RFPL1: variants seen among roughly 807,000 people sequenced by gnomAD.
The protein encoded by RFPL1 is ret finger protein like 1.
RFPL1 carries 6 observed loss-of-function variants against 9.6 expected under a neutral mutation model. The observed-to-expected ratio is 0.62, with a 90% confidence interval of 0.34 to 1.23. RFPL1 has a LOEUF of 1.23. RFPL1 is among the 50% of genes most tolerant of loss of function. The pLI is 0.03. For synonymous variants in RFPL1, 145 were observed against 149.4 expected, an observed-to-expected ratio of 0.97 and a Z score of 0.22; for missense variants, 352 against 398.4, an observed-to-expected ratio of 0.88 and a Z score of 0.99.
the RFPL1 span, among the ~76,000 whole-genome samples, chr22:29,412,014 T>C: frequency 1.3e-5 from 2 of 152,128 alleles, no homozygotes; most frequent in East Asian, 3.9e-4. Context: ...GAGAGTATGG[T>C]GTGAACATCA....
chr22:29,420,318 T>C, the RFPL1 span, among the ~76,000 whole-genome samples: 1 of 152,226 alleles, frequency 6.6e-6, no homozygotes. Context: ...AGGGCAGATG[T>C]CATTTCCTGA....
chr22:29,432,587 C>T, the RFPL1 span, among the ~76,000 whole-genome samples: 3 of 152,138 alleles, frequency 2.0e-5, no homozygotes, highest in Admixed American at 6.5e-5. Context: ...CAAAGTGTGG[C>T]GTTTCTCTAT....
chr22:29,417,116 A>G, the RFPL1 span, among the ~76,000 whole-genome samples: 1 of 152,102 alleles, frequency 6.6e-6, no homozygotes, highest in Non-Finnish European at 1.5e-5. Context: ...TTGGAAGATG[A>G]CGCACCAGGA....
the RFPL1 span, among the ~76,000 whole-genome samples, chr22:29,416,302 A>G: frequency 1.4e-4 from 21 of 152,294 alleles, no homozygotes; most frequent in African/African-American, 4.8e-4. Flanking sequence ...CCTGCTGAGC[A>G]AATGCCCACC....
the RFPL1 span, among the ~76,000 whole-genome samples, chr22:29,399,127 T>C: frequency 6.6e-6 from 1 of 152,224 alleles, no homozygotes; most frequent in African/African-American, 2.4e-5. Context: ...AGGTTTCAGC[T>C]TCCTTCATAG....
At chr22:29,437,952 GA>G (rs1473648114), upstream of RFPL1, 49 of 297,686 alleles carry the variant, frequency 1.6e-4, 1 homozygote, top group African/African-American at 1.3e-3. Flanking sequence ...AGAAGGATGT[GA>G]TTTTTTTTTT....
chr22:29,419,718 G>A, the RFPL1 span, among the ~76,000 whole-genome samples: 31 of 150,478 alleles, frequency 2.1e-4, no homozygotes, highest in Non-Finnish European at 4.1e-4. Flanking sequence ...CTGGAGGATT[G>A]TTTGAGGCCA....
chr22:29,424,073 A>T, the RFPL1 span, among the ~76,000 whole-genome samples: 2 of 152,184 alleles, frequency 1.3e-5, no homozygotes, highest in East Asian at 3.9e-4. Context: ...CCAGTTACTC[A>T]GGAGGCTGAG....
chr22:29,439,049 G>A (rs1342515878), exon 1 of RFPL1: 1 of 1,614,150 alleles, frequency 6.2e-7, no homozygotes, highest in East Asian at 2.2e-5. Context: ...TGGTCTCTCA[G>A]AAGAACAAAA....
At chr22:29,401,821 C>T in the RFPL1 span, among the ~76,000 whole-genome samples, 37 of 152,228 alleles carry the variant, frequency 2.4e-4, no homozygotes, top group Admixed American at 1.5e-3. Context: ...TCAAACTCTA[C>T]CCCAGCATCT....
the RFPL1 span, among the ~76,000 whole-genome samples, chr22:29,422,770 G>A: frequency 6.6e-6 from 1 of 151,036 alleles, no homozygotes; most frequent in Non-Finnish European, 1.5e-5. Flanking sequence ...TGTGCCGTTG[G>A]ATAAGGACAC....
the RFPL1 span, among the ~76,000 whole-genome samples, chr22:29,406,564 A>T: frequency 6.6e-6 from 1 of 152,214 alleles, no homozygotes; most frequent in African/African-American, 2.4e-5. Context: ...TCTCATCTAA[A>T]TAAAGGTATC....
chr22:29,392,481 C>A, the RFPL1 span, among the ~76,000 whole-genome samples: 3 of 147,254 alleles, frequency 2.0e-5, no homozygotes, highest in Non-Finnish European at 4.4e-5. Flanking sequence ...CTTCTGCCTC[C>A]CAGGGTCAAG....
chr22:29,432,274 T>G, the RFPL1 span, among the ~76,000 whole-genome samples: 2,561 of 152,300 alleles, frequency 0.017, 22 homozygotes, highest in South Asian at 0.034. Context: ...TGTCCACAGT[T>G]CCCAGGAATT....
chr22:29,414,186 G>A, the RFPL1 span, among the ~76,000 whole-genome samples: 1 of 98,634 alleles, frequency 1.0e-5, no homozygotes, highest in African/African-American at 5.6e-5. Context: ...TTTATTTCAG[G>A]ACAAGAATTT....
At chr22:29,393,180 T>C in the RFPL1 span, among the ~76,000 whole-genome samples, 3 of 152,200 alleles carry the variant, frequency 2.0e-5, no homozygotes, top group East Asian at 5.8e-4. Flanking sequence ...AGACTACTAC[T>C]AATAGTTAAC....
the RFPL1 span, among the ~76,000 whole-genome samples, chr22:29,389,910 T>C: frequency 1.3e-5 from 2 of 151,934 alleles, no homozygotes; most frequent in Non-Finnish European, 2.9e-5. Flanking sequence ...GCGATTCTCC[T>C]GCCTGGGCCT....
At chr22:29,436,599 C>CAAAAAAAAAAAAAAAAAAAA (rs200602345), upstream of RFPL1, 1 of 92,520 alleles carries the variant, frequency 1.1e-5, no homozygotes, top group Non-Finnish European at 2.3e-5. Flanking sequence ...GAATCTGTCT[C>CAAAAAAAAAAAAAAAAAAAA]AAAAAAAAAA....
the RFPL1 span, among the ~76,000 whole-genome samples, chr22:29,420,447 C>T: frequency 6.6e-6 from 1 of 152,048 alleles, no homozygotes; most frequent in Non-Finnish European, 1.5e-5. Flanking sequence ...TCTCCTGCCT[C>T]AGCATACCGG....
Sources: allele counts gnomAD v4.1 joint callset (sites outside exome capture counted in the v4.1 genomes callset), GRCh38; gene constraint gnomAD v4.1.1; transcripts MANE v1.5; gene names NCBI Gene and HGNC (gene_info 2026-07-23, HGNC 2026-07-21).